The following ANKRD44 variants were observed in gnomAD, a reference collection of about 807,000 sequenced individuals.
ANKRD44 encodes ankyrin repeat domain 44.
Under a neutral mutation model 116.0 loss-of-function variants are expected in ANKRD44, and 35 were observed. That is an observed-to-expected ratio of 0.30 (90% confidence interval 0.23 to 0.40). The LOEUF is 0.40. Among genes scored for constraint, ANKRD44 ranks in the 10% least tolerant of loss-of-function variants. ANKRD44 has a pLI of 1.00. For missense variants in ANKRD44, 1,014 were observed against 1,242.6 expected, an observed-to-expected ratio of 0.82 and a Z score of 2.77; for synonymous variants, 435 against 461.8, an observed-to-expected ratio of 0.94 and a Z score of 0.74.
At chr2:197,131,757 T>C (rs2079102155) in intron 4 of ANKRD44, among the ~76,000 whole-genome samples, 1 of 152,144 alleles carries the variant, frequency 6.6e-6, no homozygotes, top group Non-Finnish European at 1.5e-5. Context: ...AAATACTGTA[T>C]ACTAAAACTA....
In ANKRD44 at chr2:196,986,974, T is replaced by A. The variant is rs2075844385; in HGVS notation, c.*2617A>T. 18 of 985,438 alleles carry A rather than the reference T, an allele frequency of 1.8e-5. No individual in the cohort carries two copies. Among genetic ancestry groups the A allele is most frequent in the Non-Finnish European group, 2.2e-5 (18 of 829,918 alleles). 61.0% of individuals were successfully genotyped at this position (985,438 alleles called of 1,614,324 possible). A position where few individuals can be genotyped will look rare whatever the true frequency, so the allele number is the denominator to read the frequency against. On this transcript the variant is annotated 3_prime_UTR_variant, in exon 28 of 28. Coordinates refer to ENST00000282272, the MANE Select transcript of ANKRD44 (RefSeq NM_001195144.2). ...TGTTACAAATATGTTATGCAAAATATAACACTGGCACCAGATTTGTATCAT... is the reference window on the plus strand; with the variant it reads ...TGTTACAAATATGTTATGCAAAATAAAACACTGGCACCAGATTTGTATCAT...
chr2:197,186,605 A>C (rs2080669104), intron 2 of ANKRD44, among the ~76,000 whole-genome samples: 1 of 91,662 alleles, frequency 1.1e-5, no homozygotes. Context: ...ATGCCCGGCT[A>C]ATTTTTCTTT....
At chr2:197,009,577 T>C (rs1280232424) in intron 18 of ANKRD44, among the ~76,000 whole-genome samples, 1 of 150,682 alleles carries the variant, frequency 6.6e-6, no homozygotes, top group Non-Finnish European at 1.5e-5. Flanking sequence ...CCATGTTGCC[T>C]AGGCTGGTCT....
At chr2:197,240,448 A>G (rs575442092) in intron 1 of ANKRD44, among the ~76,000 whole-genome samples, 12 of 151,690 alleles carry the variant, frequency 7.9e-5, no homozygotes, top group Non-Finnish European at 1.6e-4. Context: ...GACTTCTACC[A>G]CTAAGCTCTT....
chr2:197,115,840 T>C (rs1352784067), intron 8 of ANKRD44, among the ~76,000 whole-genome samples: 3 of 152,080 alleles, frequency 2.0e-5, no homozygotes, highest in African/African-American at 7.2e-5. Flanking sequence ...CCAGAGTGAA[T>C]CTGGAATAAC....
Position 197,118,637 on chromosome 2 carries a change from G to GAGAGAGAGAGAA in ANKRD44, c.906+2694_906+2695insTTCTCTCTCTCT, listed in dbSNP as rs773839262. ...AGAAAGAGAGAGAGAGAGAGAGAGA[G>GAGAGAGAGAGAA]AGAAAGAAAGAAAGAAAGAAAGAAA... On this transcript the variant is annotated intron_variant, in intron 8 of 27. Transcript: ENST00000282272. Among the ~76,000 whole-genome samples, 163 of 112,432 alleles carry GAGAGAGAGAGAA rather than the reference G, an allele frequency of 1.4e-3. 1 individual carries two copies. Among genetic ancestry groups the GAGAGAGAGAGAA allele is most frequent in the African/African-American group, 4.8e-3 (143 of 30,052 alleles). The allele number at this position is 112,432 out of a possible 152,430, so 73.8% of individuals were successfully genotyped here.
At chr2:197,092,885 C>A (rs1278740250) in intron 10 of ANKRD44, among the ~76,000 whole-genome samples, 7 of 151,788 alleles carry the variant, frequency 4.6e-5, no homozygotes, top group Admixed American at 4.6e-4. Context: ...GTTTTAAAAC[C>A]TCCTTATAAA....
At chr2:197,267,704 TC>T (rs1187201528) in intron 1 of ANKRD44, among the ~76,000 whole-genome samples, 2 of 152,208 alleles carry the variant, frequency 1.3e-5, no homozygotes, top group Non-Finnish European at 2.9e-5. Context: ...ATGCTGGTTA[TC>T]TAAGTAAGCA....
At chr2:197,249,937 T>C (rs369076659) in intron 1 of ANKRD44, among the ~76,000 whole-genome samples, 5 of 152,348 alleles carry the variant, frequency 3.3e-5, no homozygotes, top group African/African-American at 1.2e-4. Context: ...CATAATCTAC[T>C]CATGAAATTC....
intron 20 of ANKRD44, among the ~76,000 whole-genome samples, chr2:197,006,873 G>A (rs1205465131): frequency 6.6e-6 from 1 of 152,200 alleles, no homozygotes; most frequent in African/African-American, 2.4e-5. Flanking sequence ...GTGAGGTGGA[G>A]GCAGGAGGAT....
intron 16 of ANKRD44, 68 bp downstream of exon 16, chr2:197,078,635 T>C: frequency 2.5e-6 from 4 of 1,575,504 alleles, no homozygotes; most frequent in Non-Finnish European, 2.6e-6. Context: ...AAAAAAACAG[T>C]TAATGCCTCT....
At chr2:197,202,937 G>C (rs187698132) in intron 1 of ANKRD44, among the ~76,000 whole-genome samples, 1 of 151,780 alleles carries the variant, frequency 6.6e-6, no homozygotes, top group Non-Finnish European at 1.5e-5. Context: ...TTTTTGGCTG[G>C]ATTGCATATC....
intron 17 of ANKRD44, chr2:197,015,971 G>A (rs73049627): frequency 0.015 from 8,266 of 542,732 alleles, 537 homozygotes; most frequent in African/African-American, 0.14. Flanking sequence ...GGTGGTGGTT[G>A]GGTCTGGTGG....
intron 1 of ANKRD44, among the ~76,000 whole-genome samples, chr2:197,217,499 T>C (rs1559158441): frequency 6.6e-6 from 1 of 152,228 alleles, no homozygotes; most frequent in Non-Finnish European, 1.5e-5. Flanking sequence ...TTGAATGACA[T>C]AATAGACTCT....
downstream of ANKRD44, among the ~76,000 whole-genome samples, chr2:196,986,047 T>C (rs914209059): frequency 4.6e-5 from 7 of 152,234 alleles, no homozygotes; most frequent in Non-Finnish European, 8.8e-5. Context: ...TGATCACATT[T>C]CTCCTCTTAC....
chr2:197,187,674 CTCT>C (rs2080716887), intron 1 of ANKRD44, among the ~76,000 whole-genome samples: 1 of 151,816 alleles, frequency 6.6e-6, no homozygotes, highest in African/African-American at 2.4e-5. Context: ...CTCTCTCTCT[CTCT>C]CCCTCTTCTT....
intron 17 of ANKRD44, among the ~76,000 whole-genome samples, chr2:197,018,932 T>A (rs779199361): frequency 6.6e-6 from 1 of 152,136 alleles, no homozygotes; most frequent in Non-Finnish European, 1.5e-5. Flanking sequence ...TTGTCCAAGA[T>A]CACTTAGTTA....
At chr2:197,084,228 G>T (rs949278636) in intron 13 of ANKRD44, among the ~76,000 whole-genome samples, 3 of 152,120 alleles carry the variant, frequency 2.0e-5, no homozygotes, top group African/African-American at 7.2e-5. Flanking sequence ...TAACCAAACT[G>T]GATGACTTGA....
At chr2:197,032,212 C>G (rs893637128) in intron 16 of ANKRD44, among the ~76,000 whole-genome samples, 22 of 152,120 alleles carry the variant, frequency 1.4e-4, no homozygotes, top group African/African-American at 5.3e-4. Context: ...ATAAAATCCA[C>G]TCTGGCTGCC....
Sources: gnomAD v4.1 joint callset for allele counts (sites outside exome capture counted in the v4.1 genomes callset) on GRCh38, gnomAD v4.1.1 for gene constraint, MANE v1.5 for transcripts, NCBI Gene and HGNC (gene_info 2026-07-23, HGNC 2026-07-21) for gene names.